PARG: variants seen among roughly 807,000 people sequenced by gnomAD.
PARG encodes mitochondrial poly(ADP-ribose) glycohydrolase.
PARG carries 35 observed loss-of-function variants against 113.0 expected under a neutral mutation model. The ratio of observed to expected loss-of-function variants is 0.31; its 90% confidence interval spans 0.24 to 0.41. PARG has a LOEUF of 0.41. Among genes scored for constraint, PARG ranks in the 10% least tolerant of loss-of-function variants. PARG has a pLI of 1.00. For synonymous variants in PARG, 330 were observed against 409.9 expected, an observed-to-expected ratio of 0.81 and a Z score of 2.36; for missense variants, 797 against 1,169.4, an observed-to-expected ratio of 0.68 and a Z score of 4.64.
At chr10:49,840,309 G>T (rs1845163150) in intron 15 of PARG, among the ~76,000 whole-genome samples, 1 of 151,350 alleles carries the variant, frequency 6.6e-6, no homozygotes, top group South Asian at 2.1e-4. Flanking sequence ...GATCACCTGA[G>T]CCCAGAGAAG....
Position 49,852,816 on chromosome 10 carries a change from C to T in PARG, c.2353+4490G>A, listed in dbSNP as rs782320973. 6.0e-4 allele frequency among the ~76,000 whole-genome samples: 90 copies of T among 150,826 alleles called. 2 individuals are homozygous for T. In the Middle Eastern group the frequency reaches 0.014, roughly 23 times the overall value. On this transcript the variant is annotated intron_variant, in intron 13 of 17. Coordinates refer to ENST00000616448, the MANE Select transcript of PARG (RefSeq NM_003631.5). ...CCTGACCTTGTGATGCCCCCTGCCTCGGCCTCCCAAAGTGCTGGGATTACA... is the reference window on the plus strand; with the variant it reads ...CCTGACCTTGTGATGCCCCCTGCCTTGGCCTCCCAAAGTGCTGGGATTACA...
At chr10:49,938,149 T>C (rs1838838197) in intron 1 of PARG, among the ~76,000 whole-genome samples, 1 of 152,220 alleles carries the variant, frequency 6.6e-6, no homozygotes, top group Non-Finnish European at 1.5e-5. Flanking sequence ...ACCACCTTGG[T>C]CCAGTTGCTT....
chr10:49,862,143 G>C (rs1170760900), intron 11 of PARG, among the ~76,000 whole-genome samples: 2 of 150,276 alleles, frequency 1.3e-5, no homozygotes, highest in African/African-American at 4.9e-5. Context: ...CAGAAATTCT[G>C]AACAATGGTA....
At chr10:49,856,820 A>T (rs1476858838) in intron 13 of PARG, among the ~76,000 whole-genome samples, 1 of 151,700 alleles carries the variant, frequency 6.6e-6, no homozygotes, top group East Asian at 1.9e-4. Context: ...GACCAGCCTG[A>T]CCAATATGGA....
chr10:49,884,931 G>A (rs1171168071), intron 8 of PARG, among the ~76,000 whole-genome samples: 20 of 147,526 alleles, frequency 1.4e-4, no homozygotes, highest in Non-Finnish European at 2.5e-4. Context: ...CTTCAACAGT[G>A]TAAACAGAAG....
At chr10:49,896,410 A>G (rs6537554) in intron 7 of PARG, among the ~76,000 whole-genome samples, 73,198 of 151,866 alleles carry the variant, frequency 0.48, 17,902 homozygotes, top group African/African-American at 0.58. Context: ...TCAGCCTCCC[A>G]AGTAGCTGGG....
Position 49,932,198 on chromosome 10 carries a change from A to C in PARG, c.1357T>G (p.Trp453Gly). The change falls in exon 4 of 18, where the codon TGG (tryptophan) becomes GGG (glycine). Residue 453 changes from tryptophan (W) to glycine (G), a missense_variant. Trp to Gly is a radical substitution (Grantham distance 184). Coordinates refer to ENST00000616448, the MANE Select transcript of PARG (RefSeq NM_003631.5). ...VPPHLSPDKKWLGTPIEEMRR... is the reference protein window; with the variant it reads ...VPPHLSPDKKGLGTPIEEMRR... ...ATCTCCTCAATGGGAGTTCCAAGCC[A>C]CTTCTTATCTGGAGAAAGGTGAGGT... The C allele has an allele frequency of 6.2e-7, 1 of 1,602,108 alleles. No homozygotes were observed.
At chr10:49,878,461 T>C (rs1847052587) in intron 9 of PARG, among the ~76,000 whole-genome samples, 1 of 150,052 alleles carries the variant, frequency 6.7e-6, no homozygotes, top group South Asian at 2.2e-4. Flanking sequence ...CTACTAAAAA[T>C]ACAAAAATTA....
intron 11 of PARG, among the ~76,000 whole-genome samples, chr10:49,862,850 T>C (rs1846320232): frequency 6.6e-6 from 1 of 151,698 alleles, no homozygotes; most frequent in Non-Finnish European, 1.5e-5. Context: ...CTTCCTTTTT[T>C]TGGTCCTACT....
rs1554910308 is a variant in PARG, at chr10:49,933,322, G to A, written c.1126C>T (p.Arg376Cys). 2.1e-5 allele frequency: 34 copies of A among 1,610,926 alleles called. No individual in the cohort carries two copies. Among genetic ancestry groups the A allele is most frequent in the Middle Eastern group, 1.6e-4 (1 of 6,072 alleles). ...LHFQFEGGES[R>C]TGMNDLNAKL... The stretch of plus-strand genomic sequence containing the variant: ...GCATTTAAATCATTCATTCCAGTGC[G>A]ACTCTCTCCTCCTTCAAATTGGAAA... Residue 376 changes from arginine to cysteine, a missense_variant, in exon 3 of 18, where the codon CGC becomes TGC. This residue lies in a region of PARG where 252 missense variants were observed against 437.4 expected (regional missense o/e 0.58). Transcript: ENST00000616448.
chr10:49,879,059 G>A (rs2573490), intron 9 of PARG, among the ~76,000 whole-genome samples: 21 of 152,274 alleles, frequency 1.4e-4, no homozygotes, highest in Non-Finnish European at 2.6e-4. Context: ...CTGGAATCTA[G>A]AACTTTATCA....
rs1026822202 is a variant in PARG at position 49,838,142 on chromosome 10, A to G, written c.2541+3808T>C. On this transcript the variant is annotated intron_variant, in intron 15 of 17. Coordinates refer to ENST00000616448, the MANE Select transcript of PARG (RefSeq NM_003631.5). ...TGTGCAGGATTTACATTTTTAAAAAATGATTTGGCTGGGCGCAGTGCCTCA... is the reference window on the plus strand; with the variant it reads ...TGTGCAGGATTTACATTTTTAAAAAGTGATTTGGCTGGGCGCAGTGCCTCA... 2.0e-5 allele frequency among the ~76,000 whole-genome samples: 3 copies of G among 152,310 alleles called. No individual in the cohort carries two copies. The South Asian group carries it at 6.2e-4, about 32-fold the overall frequency.
intron 1 of PARG, among the ~76,000 whole-genome samples, chr10:49,936,554 C>G (rs1223070194): frequency 1.3e-5 from 2 of 152,224 alleles, no homozygotes; most frequent in Non-Finnish European, 1.5e-5. Context: ...TTTATATAAT[C>G]ATTAGAAATA....
chr10:49,843,491 G>C, intron 14 of PARG, 63 bp downstream of exon 14: 1 of 980,620 alleles, frequency 1.0e-6, no homozygotes, highest in Middle Eastern at 2.0e-4. Context: ...GAGAGTGTGT[G>C]AGGGTCAAGC....
chr10:49,920,330 T>C (rs1241576451), intron 6 of PARG, among the ~76,000 whole-genome samples: 4 of 150,080 alleles, frequency 2.7e-5, no homozygotes, highest in Non-Finnish European at 5.9e-5. Flanking sequence ...ACACCTGTAG[T>C]CCCTGCTACT....
At chr10:49,829,156 A>G (rs1474537227) in intron 16 of PARG, among the ~76,000 whole-genome samples, 1 of 152,094 alleles carries the variant, frequency 6.6e-6, no homozygotes, top group Non-Finnish European at 1.5e-5. Context: ...GAATTGCTTG[A>G]ACTCAGGAGG....
chr10:49,929,888 T>C (rs1235689166), intron 4 of PARG, among the ~76,000 whole-genome samples: 1 of 146,746 alleles, frequency 6.8e-6, no homozygotes. Flanking sequence ...CTAATATCAA[T>C]AAGTGATGAT....
At chr10:49,922,297 AG>A (rs1837920174) in intron 6 of PARG, 38 bp downstream of exon 6, 1 of 1,567,810 alleles carries the variant, frequency 6.4e-7, no homozygotes, top group Non-Finnish European at 8.7e-7. Flanking sequence ...GAGGAGACAC[AG>A]GGCCCATAAA....
At chr10:49,905,480 G>A (rs1554844702) in intron 7 of PARG, among the ~76,000 whole-genome samples, 1 of 152,060 alleles carries the variant, frequency 6.6e-6, no homozygotes, top group Non-Finnish European at 1.5e-5. Context: ...GCTCTGCAAA[G>A]TGTGCTCCAT....
Sources: allele counts gnomAD v4.1 joint callset (sites outside exome capture counted in the v4.1 genomes callset), GRCh38; gene constraint gnomAD v4.1.1; regional missense constraint gnomAD v4.1.1; transcripts MANE v1.5; gene names NCBI Gene and HGNC (gene_info 2026-07-23, HGNC 2026-07-21).